REEP1: variants seen among roughly 807,000 people sequenced by gnomAD.
REEP1 encodes receptor expression-enhancing protein 1.
A neutral mutation model predicts 40.3 loss-of-function variants in REEP1; 22 were observed. The observed-to-expected ratio is 0.55, with a 90% confidence interval of 0.39 to 0.78. The LOEUF is 0.78. Among genes scored for constraint, REEP1 ranks in the 30% least tolerant of loss-of-function variants. The pLI, the probability that REEP1 is intolerant of heterozygous loss-of-function variation, is 0.00. For synonymous variants in REEP1, 116 were observed against 139.2 expected, an observed-to-expected ratio of 0.83 and a Z score of 1.17; for missense variants, 280 against 361.1, an observed-to-expected ratio of 0.78 and a Z score of 1.82.
chr2:86,266,645 A>T (rs1266833784), intron 2 of REEP1, among the ~76,000 whole-genome samples: 15 of 150,582 alleles, frequency 1.0e-4, no homozygotes, highest in Non-Finnish European at 2.1e-4. Context: ...AAATAAAAAT[A>T]AAAATAAAAA....
chr2:86,324,140 G>A lies in REEP1; in HGVS notation c.32+13339C>T, dbSNP rs190049199. 3.1e-3 allele frequency among the ~76,000 whole-genome samples: 451 copies of A among 146,634 alleles called. 5 individuals carry two copies. The highest frequency in any genetic ancestry group is 0.011 in the African/African-American group (433 of 40,112). On this transcript the variant is annotated intron_variant, in intron 1 of 8. Transcript: ENST00000538924. ...GACACAAAAAGCAAAAACTATAAAC[G>A]AAAAAAAAAATGCTGTCTATTGCAT... is the stretch of plus-strand genomic sequence containing the variant.
chr2:86,235,927 G>A (rs6758535), intron 5 of REEP1, among the ~76,000 whole-genome samples: 132,534 of 152,206 alleles, frequency 0.87, 58,280 homozygotes, highest in East Asian at 0.98. Context: ...GTTAAAATCA[G>A]TATGCCTGAC....
chr2:86,296,838 C>A (rs1679007528), intron 1 of REEP1, among the ~76,000 whole-genome samples: 1 of 152,104 alleles, frequency 6.6e-6, no homozygotes, highest in African/African-American at 2.4e-5. Flanking sequence ...GCCTGTGCAA[C>A]AAGAGTGAAA....
At chr2:86,248,706 TC>T (rs1339340259) in intron 5 of REEP1, among the ~76,000 whole-genome samples, 1 of 152,110 alleles carries the variant, frequency 6.6e-6, no homozygotes, top group African/African-American at 2.4e-5. Flanking sequence ...CACCTCGGCC[TC>T]CCAAAGTGCT....
At chr2:86,337,683 TGGCGGC>T (rs545000846), upstream of REEP1, 3 of 998,694 alleles carry the variant, frequency 3.0e-6, no homozygotes, top group African/African-American at 1.8e-5. The surrounding 1 kb of genome is among the most constrained non-coding windows in gnomAD (Gnocchi z 5.8). Context: ...CGGCACGTTC[TGGCGGC>T]GGCGGCGGCG....
At chr2:86,220,445 C>T (rs921261154) in intron 7 of REEP1, among the ~76,000 whole-genome samples, 2 of 152,180 alleles carry the variant, frequency 1.3e-5, no homozygotes, top group African/African-American at 4.8e-5. Context: ...GCGGCTTTAA[C>T]TGAGACACAT....
intron 1 of REEP1, among the ~76,000 whole-genome samples, chr2:86,296,552 T>G (rs1442116682): frequency 6.6e-6 from 1 of 152,240 alleles, no homozygotes; most frequent in Non-Finnish European, 1.5e-5. Flanking sequence ...TCATGAGGAC[T>G]GGTTTAAAAT....
intron 7 of REEP1, among the ~76,000 whole-genome samples, chr2:86,222,887 T>C (rs1477053295): frequency 6.6e-6 from 1 of 152,220 alleles, no homozygotes; most frequent in African/African-American, 2.4e-5. Flanking sequence ...GAAAATCCCA[T>C]GCTCTGCCTC....
intron 1 of REEP1, among the ~76,000 whole-genome samples, chr2:86,328,684 G>GA (rs892638704): frequency 6.6e-6 from 1 of 151,780 alleles, no homozygotes; most frequent in Non-Finnish European, 1.5e-5. Flanking sequence ...TCTTAAAAAA[G>GA]AAAAAAAAGA....
intron 6 of REEP1, among the ~76,000 whole-genome samples, chr2:86,228,359 G>A (rs1674830043): frequency 6.6e-6 from 1 of 151,940 alleles, no homozygotes; most frequent in Admixed American, 6.5e-5. Context: ...TCGTTTGTGT[G>A]CATCTTCCTC....
intron 4 of REEP1, among the ~76,000 whole-genome samples, chr2:86,252,321 C>T (rs1676330969): frequency 6.6e-6 from 1 of 152,172 alleles, no homozygotes; most frequent in Non-Finnish European, 1.5e-5. Context: ...CTAAAGCCCT[C>T]TGACCTTCCA....
intron 7 of REEP1, among the ~76,000 whole-genome samples, chr2:86,220,437 G>A (rs535722533): frequency 4.6e-5 from 7 of 152,156 alleles, no homozygotes; most frequent in South Asian, 2.1e-4. Context: ...AGAAAGAAGC[G>A]GCTTTAACTG....
chr2:86,299,879 T>C (rs541518558), intron 1 of REEP1, among the ~76,000 whole-genome samples: 3 of 152,154 alleles, frequency 2.0e-5, no homozygotes, highest in South Asian at 4.2e-4. Context: ...GCAACAACAG[T>C]AGTTAAAATA....
intron 1 of REEP1, among the ~76,000 whole-genome samples, chr2:86,320,157 C>G (rs1448238733): frequency 2.0e-5 from 3 of 152,178 alleles, no homozygotes; most frequent in Non-Finnish European, 4.4e-5. Context: ...GCTGCAATCA[C>G]TAAAGGTTAA....
At chr2:86,298,754 G>A (rs1452316803) in intron 1 of REEP1, among the ~76,000 whole-genome samples, 3 of 152,268 alleles carry the variant, frequency 2.0e-5, no homozygotes, top group African/African-American at 7.2e-5. Flanking sequence ...GTCATGGACA[G>A]TCACCCTTGC....
chr2:86,296,433 C>T (rs185650772), intron 1 of REEP1, among the ~76,000 whole-genome samples: 3 of 152,228 alleles, frequency 2.0e-5, no homozygotes, highest in African/African-American at 7.2e-5. Flanking sequence ...GGTACTAAAC[C>T]ATGGATGCTC....
intron 1 of REEP1, among the ~76,000 whole-genome samples, chr2:86,308,461 G>A (rs1679606871): frequency 6.6e-6 from 1 of 152,202 alleles, no homozygotes; most frequent in South Asian, 2.1e-4. Flanking sequence ...AGGCTGAGGT[G>A]GGACGATCGC....
intron 1 of REEP1, among the ~76,000 whole-genome samples, chr2:86,291,999 GTTGTTTTTGT>G (rs2104429658): frequency 6.6e-6 from 1 of 152,252 alleles, no homozygotes; most frequent in Non-Finnish European, 1.5e-5. Flanking sequence ...GCCTAAATCT[GTTGTTTTTGT>G]TTGTTTTTAA....
chr2:86,336,735 G>A (rs770248461), intron 1 of REEP1: 18 of 152,340 alleles, frequency 1.2e-4, no homozygotes, highest in Admixed American at 2.6e-4. Flanking sequence ...AGATGACTCT[G>A]CGCTCTCCTG....
Sources: allele counts gnomAD v4.1 joint callset (sites outside exome capture counted in the v4.1 genomes callset), GRCh38; gene constraint gnomAD v4.1.1; non-coding constraint Gnocchi (gnomAD v3.1); transcripts MANE v1.5; gene names NCBI Gene and HGNC (gene_info 2026-07-23, HGNC 2026-07-21).